NXPH1: variants seen among roughly 807,000 people sequenced by gnomAD.
NXPH1 encodes neurexophilin-1.
In NXPH1, 5 loss-of-function variants were observed where a neutral mutation model predicts 23.7. The observed-to-expected ratio is 0.21, with a 90% confidence interval of 0.11 to 0.44. The LOEUF (loss-of-function observed/expected upper bound fraction) is 0.44. Among genes scored for constraint, NXPH1 ranks in the 20% least tolerant of loss-of-function variants. The pLI, the probability that NXPH1 is intolerant of heterozygous loss-of-function variation, is 0.99. For missense variants in NXPH1, 324 were observed against 321.6 expected, an observed-to-expected ratio of 1.01 and a Z score of -0.06; for synonymous variants, 144 against 122.2, an observed-to-expected ratio of 1.18 and a Z score of -1.18.
chr7:8,601,901 A>G (rs1252037472), intron 2 of NXPH1, among the ~76,000 whole-genome samples: 1 of 152,236 alleles, frequency 6.6e-6, no homozygotes, highest in African/African-American at 2.4e-5. Flanking sequence ...AATCAGTTAC[A>G]ATAAAAGTCC....
intron 2 of NXPH1, among the ~76,000 whole-genome samples, chr7:8,524,739 G>A (rs75097160): frequency 6.6e-6 from 1 of 152,154 alleles, no homozygotes; most frequent in Non-Finnish European, 1.5e-5. Flanking sequence ...GATCTGATGG[G>A]TTTATCAGGG....
At chr7:8,651,370 A>G (rs1424950713) in intron 2 of NXPH1, among the ~76,000 whole-genome samples, 2 of 102,114 alleles carry the variant, frequency 2.0e-5, no homozygotes, top group Non-Finnish European at 4.2e-5. Context: ...CCAGTCTATC[A>G]TTGTTGGACA....
chr7:8,622,224 G>A (rs1297775589), intron 2 of NXPH1, among the ~76,000 whole-genome samples: 2 of 152,050 alleles, frequency 1.3e-5, no homozygotes, highest in Non-Finnish European at 2.9e-5. Context: ...CAACTTCTAG[G>A]GATTGAATTA....
chr7:8,742,486 G>A (rs1044235565), intron 2 of NXPH1, among the ~76,000 whole-genome samples: 1 of 151,442 alleles, frequency 6.6e-6, no homozygotes, highest in African/African-American at 2.4e-5. Context: ...TAAAGGTGAT[G>A]TGCATTGTAG....
chr7:8,485,521 C>A (rs1382236983), intron 2 of NXPH1, among the ~76,000 whole-genome samples: 2 of 152,100 alleles, frequency 1.3e-5, no homozygotes, highest in East Asian at 1.9e-4. Context: ...TCTTTCCTCA[C>A]TCCACAGAAG....
rs79769818 is a variant in NXPH1 at position 8,442,911 on chromosome 7, G to A, written c.54+7144G>A. The stretch of plus-strand genomic sequence containing the variant: ...GGCAGTTCTCGGGAGAATAGGCCGC[G>A]GGCTATAAGATTTGATCGCGGGCAG... On this transcript the variant is annotated intron_variant, in intron 2 of 2. Transcript: ENST00000405863. The surrounding 1 kb of genome is among the most constrained non-coding windows in gnomAD (Gnocchi z 4.6). Among the ~76,000 whole-genome samples, 133 of 152,368 alleles carry A rather than the reference G, an allele frequency of 8.7e-4. No individual in the cohort carries two copies. Among genetic ancestry groups the A allele is most frequent in the African/African-American group, 3.1e-3 (128 of 41,584 alleles).
chr7:8,563,334 A>G (rs191244918), intron 2 of NXPH1, among the ~76,000 whole-genome samples: 114 of 151,908 alleles, frequency 7.5e-4, no homozygotes, highest in African/African-American at 2.7e-3. Context: ...TCTGTAGGTT[A>G]TATTCAGTCA....
chr7:8,492,733 T>C (rs1817269826), intron 2 of NXPH1, among the ~76,000 whole-genome samples: 2 of 152,026 alleles, frequency 1.3e-5, no homozygotes, highest in South Asian at 4.1e-4. Context: ...TGATGCTGTT[T>C]CTGACAGTGG....
At chr7:8,652,135 T>A (rs1820500835) in intron 2 of NXPH1, among the ~76,000 whole-genome samples, 1 of 152,082 alleles carries the variant, frequency 6.6e-6, no homozygotes, top group Non-Finnish European at 1.5e-5. Context: ...AACCTTTACT[T>A]GACAAAATAA....
chr7:8,571,751 C>T (rs1438375555), intron 2 of NXPH1, among the ~76,000 whole-genome samples: 2 of 151,706 alleles, frequency 1.3e-5, no homozygotes, highest in African/African-American at 4.8e-5. Context: ...AAAATAAAAC[C>T]GTAAGACACA....
chr7:8,474,710 C>T (rs1816939676), intron 2 of NXPH1, among the ~76,000 whole-genome samples: 1 of 152,130 alleles, frequency 6.6e-6, no homozygotes, highest in South Asian at 2.1e-4. Context: ...CAATCTAGCC[C>T]TGATCAGTCA....
intron 2 of NXPH1, among the ~76,000 whole-genome samples, chr7:8,613,659 G>GT (rs1819667617): frequency 1.3e-5 from 2 of 151,922 alleles, no homozygotes; most frequent in African/African-American, 4.8e-5. Flanking sequence ...AGTAGAGGCT[G>GT]TTGGATAAAT....
At chr7:8,744,428 G>A (rs1463026925) in intron 2 of NXPH1, among the ~76,000 whole-genome samples, 4 of 151,962 alleles carry the variant, frequency 2.6e-5, no homozygotes, top group Non-Finnish European at 5.9e-5. Context: ...TTGTTTTTTG[G>A]TAATCATCTT....
At chr7:8,654,859 G>A (rs1041059620) in intron 2 of NXPH1, among the ~76,000 whole-genome samples, 1 of 152,138 alleles carries the variant, frequency 6.6e-6, no homozygotes, top group African/African-American at 2.4e-5. Flanking sequence ...GGGCAGTGTC[G>A]TTTGGATGAT....
intron 2 of NXPH1, among the ~76,000 whole-genome samples, chr7:8,642,898 TC>T (rs1820340800): frequency 6.6e-6 from 1 of 152,066 alleles, no homozygotes; most frequent in Non-Finnish European, 1.5e-5. Flanking sequence ...GGAGTCTTGC[TC>T]TGTTGCCCAG....
At chr7:8,436,400 C>T (rs1816195728) in intron 2 of NXPH1, among the ~76,000 whole-genome samples, 1 of 152,208 alleles carries the variant, frequency 6.6e-6, no homozygotes, top group African/African-American at 2.4e-5. Context: ...AATCCCATCT[C>T]CAGTGACTAG....
intron 2 of NXPH1, among the ~76,000 whole-genome samples, chr7:8,459,874 C>G (rs1816663400): frequency 6.6e-6 from 1 of 152,166 alleles, no homozygotes; most frequent in Admixed American, 6.5e-5. Context: ...ATGAACATTG[C>G]AGGGCTGAAG....
intron 2 of NXPH1, among the ~76,000 whole-genome samples, chr7:8,697,916 G>T (rs1320796171): frequency 2.6e-5 from 4 of 152,182 alleles, no homozygotes; most frequent in African/African-American, 9.7e-5. Context: ...ACTCCTATAG[G>T]CAGGATCATT....
intron 2 of NXPH1, among the ~76,000 whole-genome samples, chr7:8,743,812 T>C (rs1468850190): frequency 6.6e-6 from 1 of 151,640 alleles, no homozygotes; most frequent in Non-Finnish European, 1.5e-5. Context: ...GCCTCCCGAG[T>C]AGCTGGGACC....
Sources: gnomAD v4.1 joint callset for allele counts (sites outside exome capture counted in the v4.1 genomes callset) on GRCh38, gnomAD v4.1.1 for gene constraint, Gnocchi (gnomAD v3.1) non-coding constraint, MANE v1.5 for transcripts, NCBI Gene and HGNC (gene_info 2026-07-23, HGNC 2026-07-21) for gene names.